The following OR51E2 variants were observed in gnomAD, a reference collection of about 807,000 sequenced individuals.
OR51E2 encodes the protein olfactory receptor 51E2.
Under a neutral mutation model 13.7 loss-of-function variants are expected in OR51E2, and 14 were observed. The ratio of observed to expected loss-of-function variants is 1.02; its 90% CI spans 0.68 to 1.60. The LOEUF is 1.60. OR51E2 is among the 40% of genes most tolerant of loss of function. The pLI is 0.00. For synonymous variants in OR51E2, 180 were observed against 157.6 expected, an observed-to-expected ratio of 1.14 and a Z score of -1.07; for missense variants, 483 against 413.8, an observed-to-expected ratio of 1.17 and a Z score of -1.45.
chr11:4,685,972 A>C (rs984769850), intron 1 of OR51E2: 8 of 152,188 alleles, frequency 5.3e-5, no homozygotes, highest in African/African-American at 1.9e-4. Flanking sequence ...TGTCATTGTC[A>C]CTGTAATCTT....
At chr11:4,693,370 CTG>C (rs1472589864) in intron 1 of OR51E2, among the ~76,000 whole-genome samples, 2 of 152,188 alleles carry the variant, frequency 1.3e-5, no homozygotes, top group Non-Finnish European at 2.9e-5. Context: ...TGAAAGATTT[CTG>C]TGTTTTATGT....
chr11:4,690,718 C>T (rs762452785), intron 1 of OR51E2: 5 of 344,288 alleles, frequency 1.5e-5, no homozygotes, highest in South Asian at 1.2e-4. Context: ...CTGAAGTATA[C>T]CATCTTGAGG....
chr11:4,691,996 T>C (rs900563202), intron 1 of OR51E2, among the ~76,000 whole-genome samples: 3 of 152,218 alleles, frequency 2.0e-5, no homozygotes, highest in African/African-American at 7.2e-5. Flanking sequence ...GTTCTAGCCA[T>C]AGATAACCAA....
At chr11:4,688,731 G>C (rs762073296) in intron 1 of OR51E2, among the ~76,000 whole-genome samples, 2 of 152,160 alleles carry the variant, frequency 1.3e-5, no homozygotes, top group Non-Finnish European at 2.9e-5. Context: ...CATCACAGTG[G>C]TAGCAGTAGA....
intron 1 of OR51E2, chr11:4,691,069 C>T: frequency 2.2e-6 from 1 of 456,776 alleles, no homozygotes; most frequent in South Asian, 1.5e-5. Context: ...AGAAGTAAGT[C>T]TACACCAACA....
At chr11:4,685,286 C>T (rs1003924906) in intron 1 of OR51E2, among the ~76,000 whole-genome samples, 1 of 152,152 alleles carries the variant, frequency 6.6e-6, no homozygotes, top group African/African-American at 2.4e-5. Context: ...CCTCAAAGCA[C>T]CCACTGCCTC....
chr11:4,689,426 T>A (rs1703859971), intron 1 of OR51E2, among the ~76,000 whole-genome samples: 1 of 152,148 alleles, frequency 6.6e-6, no homozygotes, highest in Admixed American at 6.5e-5. Context: ...CTATTATAAT[T>A]ATTATAACAT....
At chr11:4,692,581 A>G (rs1505210) in intron 1 of OR51E2, among the ~76,000 whole-genome samples, 112,832 of 152,150 alleles carry the variant, frequency 0.74, 43,600 homozygotes, top group South Asian at 0.86. Flanking sequence ...TTCATAGAGT[A>G]GAGAATTGCA....
chr11:4,690,655 T>C (rs1292279741), intron 1 of OR51E2: 3 of 327,120 alleles, frequency 9.2e-6, no homozygotes, highest in African/African-American at 6.5e-5. Flanking sequence ...TGTGCTTAGC[T>C]TCAATGGGCA....
chr11:4,692,143 A>ACAG (rs771334220), intron 1 of OR51E2: 1 of 452,392 alleles, frequency 2.2e-6, no homozygotes, highest in South Asian at 1.6e-5. Context: ...GGGCTGTGGA[A>ACAG]CAGCAATATT....
chr11:4,682,285 T>C lies in OR51E2; in HGVS notation c.427A>G (p.Ile143Val). The change falls in exon 2 of 2, where the codon ATT becomes GTT. Residue 143 changes from isoleucine (I) to valine (V), a missense_variant. By Grantham distance (29) the Ile-to-Val change is conservative. Transcript: ENST00000396950. ...CCGCGGACCACAGCCACGATGCCAATCTGGGCTGTTACTGTATTGTTGAGC... is the reference window on the plus strand; with the variant it reads ...CCGCGGACCACAGCCACGATGCCAACCTGGGCTGTTACTGTATTGTTGAGC... The part of the protein sequence containing the change: ...AVLNNTVTAQ[I>V]GIVAVVRGSL... The C allele has an allele frequency of 6.2e-7, 1 of 1,614,146 alleles. No homozygotes were observed. Among genetic ancestry groups the C allele is most frequent in the Non-Finnish European group, 8.5e-7 (1 of 1,180,038 alleles).
At chr11:4,691,640 C>A in intron 1 of OR51E2, 1 of 432,714 alleles carries the variant, frequency 2.3e-6, no homozygotes. Flanking sequence ...AGGCTTCCAG[C>A]CCAGGAACAC....
intron 1 of OR51E2, among the ~76,000 whole-genome samples, chr11:4,693,532 T>C (rs1029959515): frequency 1.3e-5 from 2 of 152,008 alleles, no homozygotes; most frequent in African/African-American, 4.8e-5. Context: ...CCATCCTGGC[T>C]AACATGGTGA....
At chr11:4,694,599 CAT>C (rs1221977993) in intron 1 of OR51E2, among the ~76,000 whole-genome samples, 8 of 149,348 alleles carry the variant, frequency 5.4e-5, no homozygotes, top group East Asian at 2.0e-4. Flanking sequence ...CACACACACA[CAT>C]ATGCAGGGAG....
intron 1 of OR51E2, among the ~76,000 whole-genome samples, chr11:4,693,668 A>G (rs186710261): frequency 2.6e-5 from 4 of 151,842 alleles, no homozygotes; most frequent in Admixed American, 6.6e-5. Flanking sequence ...TTCCAGGTGA[A>G]CCGAGATGGC....
At chr11:4,687,244 G>T (rs1469229859) in intron 1 of OR51E2, among the ~76,000 whole-genome samples, 1 of 152,102 alleles carries the variant, frequency 6.6e-6, no homozygotes, top group Admixed American at 6.5e-5. Flanking sequence ...GCAGGGGTAC[G>T]TATTAGGGAA....
chr11:4,682,018 C>A lies in OR51E2; in HGVS notation c.694G>T (p.Glu232Ter), dbSNP rs1383027549. The A allele has an allele frequency of 5.6e-6, 9 of 1,614,118 alleles. No homozygotes were observed. The highest frequency in any genetic ancestry group is 5.9e-6 in the Non-Finnish European group (7 of 1,180,060). ...CAGGTTCCAAAGGCCTTGGCCCGCT[C>A]TGACTTGGAAGGCAGTTGCAGAACC... ...RTVLQLPSKS[E>*]RAKAFGTCVS... Residue 232 changes from glutamate to a stop codon, truncating the protein, a stop_gained, in exon 2 of 2, where the codon GAG (glutamate) becomes TAG (stop). Coordinates refer to ENST00000396950, the MANE Select transcript of OR51E2 (RefSeq NM_030774.4). LOFTEE classifies it high-confidence loss of function.
intron 1 of OR51E2, among the ~76,000 whole-genome samples, 185 bp downstream of exon 1, chr11:4,697,468 C>T (rs1169897471): frequency 2.6e-5 from 4 of 152,162 alleles, no homozygotes; most frequent in East Asian, 1.9e-4. Flanking sequence ...TCAGGCAGAA[C>T]GAAATACCCA....
intron 1 of OR51E2, among the ~76,000 whole-genome samples, chr11:4,689,824 G>T (rs374737540): frequency 6.6e-6 from 1 of 151,992 alleles, no homozygotes; most frequent in South Asian, 2.1e-4. Flanking sequence ...AAATATATCT[G>T]TAAGGTATGA....
Sources: gnomAD v4.1 joint callset for allele counts (sites outside exome capture counted in the v4.1 genomes callset) on GRCh38, gnomAD v4.1.1 for gene constraint, MANE v1.5 for transcripts, NCBI Gene and HGNC (gene_info 2026-07-23, HGNC 2026-07-21) for gene names.